CHMP7: variants seen among roughly 807,000 people sequenced by gnomAD.
CHMP7 encodes charged multivesicular body protein 7.
In CHMP7, 15 loss-of-function variants were observed where a neutral mutation model predicts 53.7. The observed-to-expected ratio is 0.28, with a 90% CI of 0.19 to 0.43. CHMP7 has a LOEUF of 0.43. Among genes scored for constraint, CHMP7 ranks in the 20% least tolerant of loss-of-function variants. The pLI is 1.00. For missense variants in CHMP7, 527 were observed against 569.4 expected, an observed-to-expected ratio of 0.93 and a Z score of 0.76; for synonymous variants, 261 against 228.0, an observed-to-expected ratio of 1.14 and a Z score of -1.30.
intron 2 of CHMP7, 129 bp downstream of exon 2, chr8:23,247,123 G>A: frequency 1.1e-6 from 1 of 915,724 alleles, no homozygotes; most frequent in Non-Finnish European, 1.6e-6. Flanking sequence ...AAGGCATCCA[G>A]TGTGTGTTCA....
chr8:23,250,008 C>G (rs1801854698), intron 3 of CHMP7, among the ~76,000 whole-genome samples: 1 of 152,202 alleles, frequency 6.6e-6, no homozygotes, highest in African/African-American at 2.4e-5. Context: ...AGACTCCCAG[C>G]AGATCCGTAG....
rs1802348468 is a variant in CHMP7 at position 23,260,611 on chromosome 8, G to T, written c.*12G>T. ...TAAAGCCATTGTAGGACCCTCAAGT[G>T]AAGGACCCTCATGTAAAAGAGAGAC... On this transcript the variant is annotated 3_prime_UTR_variant, in exon 11 of 11. Coordinates refer to ENST00000397677, the MANE Select transcript of CHMP7 (RefSeq NM_152272.5). 1 of 1,607,776 alleles carries T rather than the reference G, an allele frequency of 6.2e-7. No individual in the cohort carries two copies. The highest frequency in any genetic ancestry group is 8.5e-7 in the Non-Finnish European group (1 of 1,174,286).
At chr8:23,256,393 GCGCTCCTGGTTGGGAATTT>G in intron 4 of CHMP7, 48 bp from the exon 5 acceptor site, 1 of 1,093,880 alleles carries the variant, frequency 9.1e-7, no homozygotes, top group East Asian at 2.4e-5. Flanking sequence ...CCCACCACCA[GCGCTCCTGGTTGGGAATTT>G]CTCAGCCTTT....
intron 2 of CHMP7, chr8:23,248,133 C>T (rs759489190): frequency 6.6e-6 from 3 of 456,176 alleles, no homozygotes; most frequent in South Asian, 3.1e-5. Flanking sequence ...TCTGAGATGG[C>T]ATACAGTGGA....
At chr8:23,259,254 C>T (rs563450919) in intron 9 of CHMP7, 128 bp downstream of exon 9, 40 of 511,500 alleles carry the variant, frequency 7.8e-5, no homozygotes, top group South Asian at 3.4e-4. Context: ...CTGCAAGCTC[C>T]GCCTCCCGGG....
Position 23,258,177 on chromosome 8 carries a change from G to C in CHMP7, c.840+96G>C, listed in dbSNP as rs866302560. The stretch of plus-strand genomic sequence containing the variant: ...AGAGCAGCTTGCTGGGGTTTTGAGG[G>C]GGGTAGAGTCTGCAGGGGGCCCAGG... On this transcript the variant is annotated intron_variant, in intron 6 of 10. Transcript: ENST00000397677. 2.2e-5 allele frequency: 31 copies of C among 1,438,288 alleles called. 1 individual carries two copies. In the Middle Eastern group the frequency reaches 7.6e-4, roughly 35 times the overall value. 89.1% of individuals were successfully genotyped at this position (1,438,288 alleles called of 1,614,324 possible). A position where few individuals can be genotyped will look rare whatever the true frequency, so the allele number is the denominator to read the frequency against.
At position 23,249,685 on chromosome 8, in the gene CHMP7, CAA is replaced by C. The variant is rs556956720; in HGVS notation, c.471+305_471+306del. On this transcript the variant is annotated intron_variant, in intron 3 of 10. Coordinates refer to ENST00000397677, the MANE Select transcript of CHMP7 (RefSeq NM_152272.5). ...TGCTTTGCCTTCTGTAGTTTACTGA[CAA>C]GAGTTTCTCAGGATTCCTGAGGACC... 3.2e-4 allele frequency among the ~76,000 whole-genome samples: 48 copies of C among 152,310 alleles called. No individual in the cohort carries two copies. In the South Asian group the frequency reaches 8.5e-3, roughly 27 times the overall value.
intron 2 of CHMP7, 87 bp from the exon 3 acceptor site, chr8:23,249,123 C>A (rs2128857193): frequency 8.6e-7 from 1 of 1,160,404 alleles, no homozygotes; most frequent in Non-Finnish European, 1.2e-6. Flanking sequence ...TGATAAAATT[C>A]CTCTTTTAGG....
At chr8:23,248,979 A>G (rs1317202855) in intron 2 of CHMP7, among the ~76,000 whole-genome samples, 1 of 152,218 alleles carries the variant, frequency 6.6e-6, no homozygotes, top group Non-Finnish European at 1.5e-5. Flanking sequence ...TGAGTCCCTC[A>G]GTTTTCTCAT....
Position 23,260,331 on chromosome 8 carries a change from G to A in CHMP7, c.1300+8G>A, listed in dbSNP as rs778428430. ...TGTCCTTATCAGAGGGAGGTATGGAGCTGTTTTCCAAGGCCTTTGGAGGGC... is the reference window on the plus strand; with the variant it reads ...TGTCCTTATCAGAGGGAGGTATGGAACTGTTTTCCAAGGCCTTTGGAGGGC... On this transcript the variant is annotated splice_region_variant and intron_variant, in intron 10 of 10. Transcript: ENST00000397677. 1.9e-5 allele frequency: 31 copies of A among 1,613,982 alleles called. No individual in the cohort carries two copies. Among genetic ancestry groups the A allele is most frequent in the Non-Finnish European group, 2.5e-5 (30 of 1,179,968 alleles).
At position 23,258,767 on chromosome 8, in the gene CHMP7, C is replaced by T; in HGVS notation, c.996C>T (p.Leu332=). 12 of 1,613,706 alleles carry T rather than the reference C, an allele frequency of 7.4e-6. No homozygotes were observed. The highest frequency in any genetic ancestry group is 1.0e-5 in the Non-Finnish European group (12 of 1,179,740). The change falls in exon 8 of 11, where the codon CTC becomes CTT. Residue 332 remains leucine, a synonymous_variant. Coordinates refer to ENST00000397677, the MANE Select transcript of CHMP7 (RefSeq NM_152272.5). ...FNAYQAGVGA[L]KLSMKDVTVE... is the part of the protein sequence containing the mutation. ...CCTACCAGGCTGGGGTAGGAGCACT[C>T]AAACTCTCCATGAAGGATGTCACAG...
intron 3 of CHMP7, among the ~76,000 whole-genome samples, chr8:23,251,771 A>G (rs1585307777): frequency 1.3e-5 from 2 of 152,204 alleles, no homozygotes; most frequent in South Asian, 2.1e-4. Context: ...ATATGCCACA[A>G]TTTATGCAAC....
At chr8:23,256,392 A>T in intron 4 of CHMP7, 68 bp from the exon 5 acceptor site, 1 of 1,069,046 alleles carries the variant, frequency 9.4e-7, no homozygotes, top group Non-Finnish European at 1.5e-6. Flanking sequence ...GCCCACCACC[A>T]GCGCTCCTGG....
chr8:23,256,716 A>G (rs888142291), intron 5 of CHMP7, 123 bp downstream of exon 5: 17 of 682,572 alleles, frequency 2.5e-5, no homozygotes, highest in Non-Finnish European at 3.6e-5. Context: ...GCTAATTACA[A>G]AAGTACTCAC....
chr8:23,249,059 A>G (rs1340512739), intron 2 of CHMP7, 151 bp from the exon 3 acceptor site: 1 of 529,796 alleles, frequency 1.9e-6, no homozygotes, highest in South Asian at 3.4e-5. Context: ...AGTATAAACA[A>G]TGCTGCGTGT....
intron 3 of CHMP7, among the ~76,000 whole-genome samples, chr8:23,250,620 CTG>C (rs59970101): frequency 0.076 from 10,916 of 143,084 alleles, 444 homozygotes; most frequent in Non-Finnish European, 0.092. Flanking sequence ...TGATAGGGGC[CTG>C]TGTGTGTGTG....
rs577369707 is a variant in CHMP7, at chr8:23,261,254, C to G, written c.*655C>G. 2 of 152,572 alleles carry G rather than the reference C, an allele frequency of 1.3e-5. No homozygotes were observed. The highest frequency in any genetic ancestry group is 4.8e-5 in the African/African-American group (2 of 41,366). The allele number at this position is 152,572 out of a possible 1,614,324, so 9.5% of individuals were successfully genotyped here. On this transcript the variant is annotated 3_prime_UTR_variant, in exon 11 of 11. Coordinates refer to ENST00000397677, the MANE Select transcript of CHMP7 (RefSeq NM_152272.5). The stretch of plus-strand genomic sequence containing the variant: ...CGGAGGGGCTGGTGTGGCCGGTGGG[C>G]GCTGCCTCTTCATCTGATGGAGCCA...
Position 23,246,916 on chromosome 8 carries a change from T to G in CHMP7, c.221T>G (p.Leu74Arg). ...SRRQGVVRLR[L>R]RDLQEAFQRK... is the part of the protein sequence containing the mutation. ...CGCCAGGGGGTGGTGCGCCTGCGTCTGCGGGACTTGCAGGAGGCCTTTCAG... is the reference window on the plus strand; with the variant it reads ...CGCCAGGGGGTGGTGCGCCTGCGTCGGCGGGACTTGCAGGAGGCCTTTCAG... Residue 74 changes from leucine (L) to arginine (R), a missense_variant, in exon 2 of 11, where the codon CTG (leucine) becomes CGG (arginine). Transcript: ENST00000397677. 6.4e-7 allele frequency: 1 copy of G among 1,570,706 alleles called. No individual in the cohort carries two copies. Among genetic ancestry groups the G allele is most frequent in the Non-Finnish European group, 8.6e-7 (1 of 1,158,796 alleles).
At position 23,246,882 on chromosome 8, in the gene CHMP7, C is replaced by T. The variant is rs1801717800; in HGVS notation, c.187C>T (p.His63Tyr). 3 of 1,588,902 alleles carry T rather than the reference C, an allele frequency of 1.9e-6. No homozygotes were observed. The highest frequency in any genetic ancestry group is 2.6e-6 in the Non-Finnish European group (3 of 1,168,692). ...CTTCTGGGCGCCGTTGGTGCTGAGC[C>T]ACAGCCGCCGCCAGGGGGTGGTGCG... ...MGFWAPLVLSHSRRQGVVRLR... is the reference protein window; with the variant it reads ...MGFWAPLVLSYSRRQGVVRLR... Residue 63 changes from histidine (H) to tyrosine (Y), a missense_variant, in exon 2 of 11, where the codon CAC becomes TAC. Physicochemically the swap from His to Tyr is moderately conservative, Grantham distance 83. Transcript: ENST00000397677.
Sources: gnomAD v4.1 joint callset for allele counts (sites outside exome capture counted in the v4.1 genomes callset) on GRCh38, gnomAD v4.1.1 for gene constraint, MANE v1.5 for transcripts, NCBI Gene and HGNC (gene_info 2026-07-23, HGNC 2026-07-21) for gene names.